Variants in CCDC102B observed in about 807,000 individuals in gnomAD.
CCDC102B encodes the protein coiled-coil domain containing 102B.
In CCDC102B, 75 loss-of-function variants were observed where a neutral mutation model predicts 57.4. The observed-to-expected ratio is 1.31, with a 90% CI of 1.08 to 1.58. The LOEUF (loss-of-function observed/expected upper bound fraction) is 1.58. CCDC102B is among the 40% of genes most tolerant of loss of function. CCDC102B has a pLI of 0.00. For synonymous variants in CCDC102B, 206 were observed against 201.9 expected, an observed-to-expected ratio of 1.02 and a Z score of -0.17; for missense variants, 636 against 582.6, an observed-to-expected ratio of 1.09 and a Z score of -0.94.
chr18:68,968,004 G>A (rs897031807), intron 6 of CCDC102B, among the ~76,000 whole-genome samples: 4 of 151,950 alleles, frequency 2.6e-5, no homozygotes, highest in African/African-American at 9.7e-5. Flanking sequence ...AAATTCATAA[G>A]GCAAATGGAA....
At chr18:68,747,206 T>C (rs1055484289) in intron 2 of CCDC102B, among the ~76,000 whole-genome samples, 1 of 152,080 alleles carries the variant, frequency 6.6e-6, no homozygotes, top group Non-Finnish European at 1.5e-5. Context: ...TCTGTATCCA[T>C]TAACCATTCT....
intron 6 of CCDC102B, among the ~76,000 whole-genome samples, chr18:68,977,104 T>G (rs994528398): frequency 1.1e-4 from 17 of 152,014 alleles, no homozygotes; most frequent in African/African-American, 4.1e-4. Context: ...CTTATTTTAA[T>G]TATGGTTTCT....
At chr18:68,884,014 A>C (rs2039787241) in intron 5 of CCDC102B, among the ~76,000 whole-genome samples, 1 of 152,214 alleles carries the variant, frequency 6.6e-6, no homozygotes, top group Admixed American at 6.5e-5. Flanking sequence ...GTAGAAAAGA[A>C]AACAATAGTG....
At chr18:68,889,431 T>A (rs2039998519) in intron 5 of CCDC102B, among the ~76,000 whole-genome samples, 2 of 152,198 alleles carry the variant, frequency 1.3e-5, no homozygotes, top group Admixed American at 1.3e-4. Context: ...TGTTTTGTTT[T>A]ATTTTGAGAT....
chr18:68,947,421 C>T (rs1452154545), intron 6 of CCDC102B, among the ~76,000 whole-genome samples: 1 of 151,932 alleles, frequency 6.6e-6, no homozygotes, highest in Non-Finnish European at 1.5e-5. Context: ...TTATAGTTAC[C>T]TTAGGAAGTT....
At chr18:68,946,327 A>T (rs922265559) in intron 6 of CCDC102B, among the ~76,000 whole-genome samples, 1 of 152,104 alleles carries the variant, frequency 6.6e-6, no homozygotes. Context: ...TGCTTGCTAC[A>T]TATGCATGAA....
intron 1 of CCDC102B, among the ~76,000 whole-genome samples, chr18:68,819,271 C>T (rs931430959): frequency 6.6e-6 from 1 of 152,000 alleles, no homozygotes; most frequent in Admixed American, 6.6e-5. Context: ...TGGGAACTGA[C>T]TGTTTTAAAA....
At chr18:69,048,356 CA>C (rs2145491248) in intron 7 of CCDC102B, among the ~76,000 whole-genome samples, 1 of 151,704 alleles carries the variant, frequency 6.6e-6, no homozygotes, top group South Asian at 2.1e-4. Context: ...ACCTATATAA[CA>C]GAATGAAAAT....
chr18:69,005,903 T>G (rs2051328453), intron 6 of CCDC102B, among the ~76,000 whole-genome samples: 1 of 151,834 alleles, frequency 6.6e-6, no homozygotes, highest in Non-Finnish European at 1.5e-5. Flanking sequence ...GTGAATTGTA[T>G]GTACTGTCAG....
At chr18:68,777,014 C>A (rs1255039218) in intron 2 of CCDC102B, among the ~76,000 whole-genome samples, 1 of 151,930 alleles carries the variant, frequency 6.6e-6, no homozygotes, top group Non-Finnish European at 1.5e-5. Flanking sequence ...TGGAATTTTA[C>A]CTATAGGAAA....
chr18:68,734,670 A>AT (rs1170758826), intron 2 of CCDC102B: 1 of 151,986 alleles, frequency 6.6e-6, no homozygotes, highest in Non-Finnish European at 1.5e-5. Flanking sequence ...TGATATTTTT[A>AT]TTTTTTCTCA....
chr18:68,914,920 A>T (rs143238712), intron 6 of CCDC102B, among the ~76,000 whole-genome samples: 5 of 151,960 alleles, frequency 3.3e-5, no homozygotes, highest in African/African-American at 9.7e-5. Flanking sequence ...CCAAGAACCT[A>T]TGGATGACTT....
rs1184979270 is a variant in CCDC102B, at chr18:68,868,013, G to A, written c.937-6656G>A. Among the ~76,000 whole-genome samples, 4 of 151,948 alleles carry A rather than the reference G, an allele frequency of 2.6e-5. No individual in the cohort carries two copies. In the South Asian group the frequency reaches 8.3e-4, roughly 32 times the overall value. On this transcript the variant is annotated intron_variant, in intron 4 of 7. Transcript: ENST00000360242. ...AAATATATAGCTTCTGACACAAGAG[G>A]AAAATCCAGACAATTATCATTGAGC... is the stretch of plus-strand genomic sequence containing the variant.
downstream of CCDC102B, among the ~76,000 whole-genome samples, chr18:69,057,115 T>C (rs2052830971): frequency 6.6e-6 from 1 of 152,066 alleles, no homozygotes; most frequent in Non-Finnish European, 1.5e-5. Context: ...GCTTTTACTT[T>C]CATGAATCCC....
At chr18:68,956,972 G>A (rs951989608) in intron 6 of CCDC102B, among the ~76,000 whole-genome samples, 2 of 151,800 alleles carry the variant, frequency 1.3e-5, no homozygotes, top group African/African-American at 4.8e-5. Context: ...TTTTTAATCA[G>A]ATTACTAATT....
At chr18:69,046,528 T>C (rs2052571354) in intron 7 of CCDC102B, among the ~76,000 whole-genome samples, 1 of 152,174 alleles carries the variant, frequency 6.6e-6, no homozygotes, top group African/African-American at 2.4e-5. Flanking sequence ...AAAAAATTTC[T>C]CTTATTCTGT....
intron 2 of CCDC102B, among the ~76,000 whole-genome samples, chr18:68,739,611 AT>A (rs1295991747): frequency 1.3e-5 from 2 of 152,320 alleles, no homozygotes; most frequent in Non-Finnish European, 2.9e-5. Context: ...AGAGTACACA[AT>A]ATAGTATTTT....
At chr18:68,798,882 A>C (rs960676635) in intron 1 of CCDC102B, among the ~76,000 whole-genome samples, 5 of 152,100 alleles carry the variant, frequency 3.3e-5, no homozygotes, top group African/African-American at 1.2e-4. Flanking sequence ...TGCAAAGATA[A>C]ATTATCAATT....
intron 2 of CCDC102B, among the ~76,000 whole-genome samples, chr18:68,744,594 A>T (rs949005421): frequency 2.0e-5 from 3 of 152,182 alleles, no homozygotes; most frequent in Non-Finnish European, 1.5e-5. Flanking sequence ...AGTAACCTTT[A>T]GGTGTTCGGG....
Sources: allele counts gnomAD v4.1 joint callset (sites outside exome capture counted in the v4.1 genomes callset), GRCh38; gene constraint gnomAD v4.1.1; transcripts MANE v1.5; gene names NCBI Gene and HGNC (gene_info 2026-07-23, HGNC 2026-07-21).